The following DPP6 variants were observed in gnomAD, a reference collection of about 807,000 sequenced individuals.
DPP6 encodes the protein dipeptidyl peptidase like 6.
DPP6 carries 69 observed loss-of-function variants against 122.6 expected under a neutral mutation model. That is an observed-to-expected ratio of 0.56 (90% CI 0.46 to 0.69). The LOEUF (loss-of-function observed/expected upper bound fraction) is 0.69. Ranked by LOEUF, DPP6 falls within the 30% of genes least tolerant of loss-of-function variation. DPP6 has a pLI of 0.00. For synonymous variants in DPP6, 418 were observed against 433.1 expected (o/e 0.97, Z 0.43); for missense variants, 928 against 1,116.9 (o/e 0.83, Z 2.41).
chr7:154,831,609 T>A (rs747269009), intron 16 of DPP6, among the ~76,000 whole-genome samples: 10 of 152,082 alleles, frequency 6.6e-5, no homozygotes, highest in South Asian at 2.1e-4. Context: ...TATTTCTTTT[T>A]AAAAAAAATC....
chr7:154,233,262 G>A (rs964645139), intron 1 of DPP6, among the ~76,000 whole-genome samples: 3 of 152,162 alleles, frequency 2.0e-5, no homozygotes, highest in African/African-American at 4.8e-5. Flanking sequence ...GTGAGGGAAG[G>A]GACTTCTGCA....
intron 3 of DPP6, among the ~76,000 whole-genome samples, chr7:154,526,115 A>G (rs28675172): frequency 0.21 from 31,491 of 152,190 alleles, 3,811 homozygotes; most frequent in Non-Finnish European, 0.28. Flanking sequence ...TCCTGCTACA[A>G]TATAAGCCTG....
intron 1 of DPP6, among the ~76,000 whole-genome samples, chr7:154,090,885 C>T (rs1804759485): frequency 6.7e-6 from 1 of 149,056 alleles, no homozygotes; most frequent in Non-Finnish European, 1.5e-5. Flanking sequence ...CTTTGGGAGG[C>T]CGAGGCGGGC....
At chr7:154,393,197 T>C (rs1814774071) in intron 1 of DPP6, among the ~76,000 whole-genome samples, 1 of 152,220 alleles carries the variant, frequency 6.6e-6, no homozygotes, top group Non-Finnish European at 1.5e-5. Flanking sequence ...CTGAGGAATG[T>C]AGATCATTTT....
chr7:154,468,187 C>T (rs979156231), intron 2 of DPP6, among the ~76,000 whole-genome samples: 1 of 152,174 alleles, frequency 6.6e-6, no homozygotes, highest in Non-Finnish European at 1.5e-5. Flanking sequence ...AAACACAATA[C>T]TATCTGAAAT....
At chr7:154,305,187 C>T in intron 1 of DPP6, 2 of 1,031,284 alleles carry the variant, frequency 1.9e-6, no homozygotes, top group Non-Finnish European at 2.4e-6. Flanking sequence ...CACCCAGCCG[C>T]CACTTGCCGG....
In DPP6 at chr7:154,174,500, C is replaced by A. The variant is rs1393227162; in HGVS notation, c.243+121437C>A. On this transcript the variant is annotated intron_variant, in intron 1 of 25. Coordinates refer to ENST00000377770, the MANE Select transcript of DPP6 (RefSeq NM_130797.4). The stretch of plus-strand genomic sequence containing the variant: ...TAGAAATAAATCCTTGGAATTGATA[C>A]ATACACAAAGCCGTCACTCATCACA... 2.6e-5 allele frequency among the ~76,000 whole-genome samples: 4 copies of A among 152,184 alleles called. No individual in the cohort carries two copies. In the East Asian group the frequency reaches 5.8e-4, roughly 22 times the overall value.
At chr7:154,670,593 T>C (rs1160899993) in intron 7 of DPP6, among the ~76,000 whole-genome samples, 1 of 152,238 alleles carries the variant, frequency 6.6e-6, no homozygotes, top group Non-Finnish European at 1.5e-5. Context: ...AGAAAGTCCC[T>C]CAGGTTTGAA....
chr7:154,125,592 G>A (rs1807821315), intron 1 of DPP6, among the ~76,000 whole-genome samples: 1 of 152,148 alleles, frequency 6.6e-6, no homozygotes, highest in Admixed American at 6.5e-5. Flanking sequence ...CACCCCATCG[G>A]TAGGGCACAG....
At chr7:154,761,488 G>GTT (rs1795552951) in intron 8 of DPP6, among the ~76,000 whole-genome samples, 1 of 145,548 alleles carries the variant, frequency 6.9e-6, no homozygotes, top group Admixed American at 7.0e-5. Context: ...TTGCGATAAA[G>GTT]AAATCCCCGA....
rs548615115 is a variant in DPP6 at position 154,093,911 on chromosome 7, C to G, written c.243+40848C>G. 4 of 152,274 alleles carry G rather than the reference C, an allele frequency of 2.6e-5. No homozygotes were observed. In the South Asian group the frequency reaches 8.3e-4, roughly 32 times the overall value. 9.4% of individuals were successfully genotyped at this position (152,274 alleles called of 1,614,324 possible). ...CCCTGAGTCCCGTGTGTGCCCCTTA[C>G]AGTGTGTTTCCTATTAAAGTTCCTT... is the stretch of plus-strand genomic sequence containing the variant. On this transcript the variant is annotated intron_variant, in intron 1 of 25. Coordinates refer to ENST00000377770, the MANE Select transcript of DPP6 (RefSeq NM_130797.4).
chr7:154,872,591 C>T, intron 18 of DPP6, 33 bp from the exon 19 acceptor site: 1 of 1,575,692 alleles, frequency 6.3e-7, no homozygotes, highest in Non-Finnish European at 8.6e-7. Context: ...CAGCATTGCC[C>T]CCTAACCCGT....
intron 16 of DPP6, among the ~76,000 whole-genome samples, chr7:154,827,092 A>C (rs1201988897): frequency 6.6e-6 from 1 of 151,932 alleles, no homozygotes; most frequent in Non-Finnish European, 1.5e-5. Flanking sequence ...AAGTGTCTGA[A>C]GTTTTTATTA....
intron 19 of DPP6, among the ~76,000 whole-genome samples, chr7:154,873,861 C>T (rs981223934): frequency 1.4e-5 from 2 of 139,346 alleles, no homozygotes; most frequent in East Asian, 3.9e-4. Flanking sequence ...CCCACATGCA[C>T]ACACACCCAC....
intron 1 of DPP6, among the ~76,000 whole-genome samples, chr7:154,035,844 C>G (rs1244831506): frequency 6.6e-6 from 1 of 152,128 alleles, no homozygotes; most frequent in Admixed American, 6.5e-5. Flanking sequence ...TTTATTAGCT[C>G]TATTGATGAA....
At chr7:153,862,832 A>T in the DPP6 span, among the ~76,000 whole-genome samples, 1 of 152,310 alleles carries the variant, frequency 6.6e-6, no homozygotes, top group Non-Finnish European at 1.5e-5. Context: ...AGAACTAAAC[A>T]ACAAATCGGT....
chr7:154,171,372 G>A lies in DPP6; in HGVS notation c.243+118309G>A, dbSNP rs185556290. 3.2e-4 allele frequency among the ~76,000 whole-genome samples: 48 copies of A among 152,256 alleles called. 2 individuals are homozygous for A. The highest frequency in any genetic ancestry group is 2.9e-3 in the South Asian group (14 of 4,818). ...ATGGGGGTCATTTAATACACGTCTC[G>A]ACAACTGCATAGCCCTTTTGCTCCC... is the stretch of plus-strand genomic sequence containing the variant. On this transcript the variant is annotated intron_variant, in intron 1 of 25. Transcript: ENST00000377770.
intron 1 of DPP6, among the ~76,000 whole-genome samples, chr7:154,141,855 A>G (rs1483122908): frequency 1.3e-5 from 2 of 152,264 alleles, no homozygotes; most frequent in East Asian, 3.9e-4. Context: ...CTGAGGAACC[A>G]GAGAAATTAG....
At chr7:154,156,910 G>A (rs1426924801) in intron 1 of DPP6, among the ~76,000 whole-genome samples, 1 of 152,282 alleles carries the variant, frequency 6.6e-6, no homozygotes, top group Non-Finnish European at 1.5e-5. Context: ...GCAAACATGT[G>A]CCCCATTGGT....
Sources: allele counts gnomAD v4.1 joint callset (sites outside exome capture counted in the v4.1 genomes callset), GRCh38; gene constraint gnomAD v4.1.1; transcripts MANE v1.5; gene names NCBI Gene and HGNC (gene_info 2026-07-23, HGNC 2026-07-21).